The following TMTC1 variants were observed in gnomAD, a reference collection of about 807,000 sequenced individuals.
TMTC1 encodes the protein protein O-mannosyl-transferase TMTC1.
Under a neutral mutation model 104.8 loss-of-function variants are expected in TMTC1, and 73 were observed. That is an observed-to-expected ratio of 0.70 (90% CI 0.58 to 0.85). The LOEUF is 0.85. Among genes scored for constraint, TMTC1 ranks in the 40% least tolerant of loss-of-function variants. The pLI, the probability that TMTC1 is intolerant of heterozygous loss-of-function variation, is 0.00. For missense variants in TMTC1, 1,035 were observed against 1,096.1 expected, an observed-to-expected ratio of 0.94 and a Z score of 0.79; for synonymous variants, 434 against 428.7, an observed-to-expected ratio of 1.01 and a Z score of -0.15.
At chr12:29,770,803 C>T (rs1328645189) in intron 1 of TMTC1, among the ~76,000 whole-genome samples, 2 of 151,988 alleles carry the variant, frequency 1.3e-5, no homozygotes, top group South Asian at 2.1e-4. Flanking sequence ...AAAATGCTAA[C>T]GAAAGCTTCT....
chr12:29,512,180 G>T, intron 16 of TMTC1, 60 bp from the exon 17 acceptor site: 1 of 1,392,652 alleles, frequency 7.2e-7, no homozygotes, highest in Non-Finnish European at 9.8e-7. Context: ...CAGGATTGCA[G>T]AAACCACTTT....
At position 29,642,739 on chromosome 12, in the gene TMTC1, C is replaced by T. The variant is rs1032804267; in HGVS notation, c.939-9403G>A. 7.9e-5 allele frequency among the ~76,000 whole-genome samples: 12 copies of T among 152,160 alleles called. No homozygotes were observed. In the East Asian group the frequency reaches 2.1e-3, roughly 27 times the overall value. On this transcript the variant is annotated intron_variant, in intron 5 of 17. Transcript: ENST00000539277. Reference sequence around the variant, plus strand: ...AGGAGATCAAGACCATTCTGGCTAACATGGTGAAACCCCGTCTCCACTAAA... The same window carrying T: ...AGGAGATCAAGACCATTCTGGCTAATATGGTGAAACCCCGTCTCCACTAAA...
At chr12:29,726,537 A>G (rs569544054) in intron 5 of TMTC1, among the ~76,000 whole-genome samples, 1 of 152,286 alleles carries the variant, frequency 6.6e-6, no homozygotes, top group East Asian at 1.9e-4. Flanking sequence ...ACAAGCATAT[A>G]AACAGAGGTA....
chr12:29,555,936 C>T (rs950749438), intron 10 of TMTC1, among the ~76,000 whole-genome samples: 9 of 101,470 alleles, frequency 8.9e-5, no homozygotes, highest in Non-Finnish European at 2.4e-4. Flanking sequence ...CTTACACTCC[C>T]ACCAACAGCA....
chr12:29,585,525 T>C (rs1216569989), intron 7 of TMTC1, among the ~76,000 whole-genome samples: 1 of 152,224 alleles, frequency 6.6e-6, no homozygotes, highest in African/African-American at 2.4e-5. Context: ...CGTGCCTATG[T>C]CCTGAATGGT....
intron 10 of TMTC1, among the ~76,000 whole-genome samples, chr12:29,552,071 G>T (rs1434691861): frequency 2.0e-5 from 3 of 152,144 alleles, no homozygotes; most frequent in African/African-American, 7.2e-5. Context: ...TGCCTTGGAT[G>T]CTCTGATAGA....
At chr12:29,523,056 T>C (rs1944227063) in intron 11 of TMTC1, among the ~76,000 whole-genome samples, 1 of 152,220 alleles carries the variant, frequency 6.6e-6, no homozygotes, top group Non-Finnish European at 1.5e-5. Flanking sequence ...AAAAGCAGTA[T>C]TTTTGGAAAT....
At position 29,783,700 on chromosome 12, in the gene TMTC1, G is replaced by C. The variant is rs913503788; in HGVS notation, c.52C>G (p.Arg18Gly). 3.2e-6 allele frequency: 4 copies of C among 1,258,284 alleles called. No individual in the cohort carries two copies. Among genetic ancestry groups the C allele is most frequent in the Admixed American group, 8.6e-5 (2 of 23,218 alleles). The allele number at this position is 1,258,284 out of a possible 1,614,324, so 77.9% of individuals were successfully genotyped here. A position where few individuals can be genotyped will look rare whatever the true frequency, so the allele number is the denominator to read the frequency against. ...RGGGGDRTPS[R>G]RRGCGLAPAG... ...GGCGCTAGCCCGCAGCCCCGCCGCCGGGAGGGTGTGCGGTCCCCGCCGCCG... is the reference window on the plus strand; with the variant it reads ...GGCGCTAGCCCGCAGCCCCGCCGCCCGGAGGGTGTGCGGTCCCCGCCGCCG... The change falls in exon 1 of 18, where the codon CGG (arginine) becomes GGG (glycine). Residue 18 changes from arginine (R) to glycine (G), a missense_variant. Transcript: ENST00000539277. The surrounding 1 kb of genome is among the most constrained non-coding windows in gnomAD (Gnocchi z 4.7).
At chr12:29,609,092 T>C (rs1458026141) in intron 6 of TMTC1, among the ~76,000 whole-genome samples, 1 of 152,232 alleles carries the variant, frequency 6.6e-6, no homozygotes, top group Admixed American at 6.5e-5. Context: ...AATAGGCTTA[T>C]TATAGTAATT....
intron 5 of TMTC1, among the ~76,000 whole-genome samples, chr12:29,708,528 T>C (rs1252085787): frequency 6.6e-6 from 1 of 152,150 alleles, no homozygotes; most frequent in Non-Finnish European, 1.5e-5. Context: ...AATGGAATTC[T>C]CTAAAGCCCA....
chr12:29,763,829 C>G (rs999636656), intron 2 of TMTC1, among the ~76,000 whole-genome samples: 1 of 152,010 alleles, frequency 6.6e-6, no homozygotes, highest in Non-Finnish European at 1.5e-5. Flanking sequence ...GTGGAGGATA[C>G]AAGAATGGCA....
intron 5 of TMTC1, among the ~76,000 whole-genome samples, chr12:29,695,897 T>C (rs775512845): frequency 9.5e-5 from 14 of 147,514 alleles, no homozygotes; most frequent in South Asian, 2.1e-4. Context: ...ATTGAGAAAA[T>C]AGGAAGCAAC....
Position 29,512,139 on chromosome 12 carries a change from T to A in TMTC1, c.2431-19A>T. 1 of 1,590,306 alleles carries A rather than the reference T, an allele frequency of 6.3e-7. No individual in the cohort carries two copies. Among genetic ancestry groups the A allele is most frequent in the Non-Finnish European group, 8.6e-7 (1 of 1,168,194 alleles). On this transcript the variant is annotated intron_variant, in intron 16 of 17. Transcript: ENST00000539277. The stretch of plus-strand genomic sequence containing the variant: ...TATAGCTCTAAATAAATAAGAAATA[T>A]CCTCAGGTTAGGAAACAAACCTCCA...
intron 6 of TMTC1, among the ~76,000 whole-genome samples, chr12:29,631,027 C>T (rs1422495148): frequency 1.3e-5 from 2 of 152,138 alleles, no homozygotes; most frequent in African/African-American, 4.8e-5. Flanking sequence ...AGCATCTTTT[C>T]ATGTATTTAT....
At chr12:29,602,949 T>G (rs1946605825) in intron 7 of TMTC1, among the ~76,000 whole-genome samples, 1 of 152,184 alleles carries the variant, frequency 6.6e-6, no homozygotes, top group African/African-American at 2.4e-5. Flanking sequence ...ATTCAACTGG[T>G]CTAAGCAAAA....
chr12:29,617,097 T>C (rs1379235271), intron 6 of TMTC1, among the ~76,000 whole-genome samples: 1 of 152,028 alleles, frequency 6.6e-6, no homozygotes, highest in African/African-American at 2.4e-5. Flanking sequence ...TACATATTTC[T>C]TCTGCTTGTT....
At chr12:29,580,777 T>A (rs1445636032) in intron 8 of TMTC1, among the ~76,000 whole-genome samples, 3 of 152,284 alleles carry the variant, frequency 2.0e-5, no homozygotes, top group African/African-American at 7.2e-5. Context: ...ACAGCCTGAG[T>A]TGGTCTTAGT....
intron 5 of TMTC1, among the ~76,000 whole-genome samples, chr12:29,730,885 T>C (rs1228495775): frequency 6.6e-6 from 1 of 152,150 alleles, no homozygotes; most frequent in East Asian, 1.9e-4. Flanking sequence ...TTGTTAGTGT[T>C]TGTTAATATG....
rs138114173 is a variant in TMTC1 at position 29,667,848 on chromosome 12, T to A, written c.939-34512A>T. 1.2e-3 allele frequency among the ~76,000 whole-genome samples: 180 copies of A among 152,356 alleles called. 3 individuals are homozygous for A. In the East Asian group the frequency reaches 0.016, roughly 14 times the overall value. On this transcript the variant is annotated intron_variant, in intron 5 of 17. Coordinates refer to ENST00000539277, the MANE Select transcript of TMTC1 (RefSeq NM_001193451.2). ...GATGGCAGGTACTGAATCCATTTAA[T>A]AGGCACTAATCACTGTGCTAAGCAC...
Sources: gnomAD v4.1 joint callset for allele counts (sites outside exome capture counted in the v4.1 genomes callset) on GRCh38, gnomAD v4.1.1 for gene constraint, Gnocchi (gnomAD v3.1) non-coding constraint, MANE v1.5 for transcripts, NCBI Gene and HGNC (gene_info 2026-07-23, HGNC 2026-07-21) for gene names.